EYS: variants seen among roughly 807,000 people sequenced by gnomAD.
EYS encodes the protein EGF-like photoreceptor maintenance factor, also known as protein eyes shut homolog.
EYS carries 250 observed loss-of-function variants against 282.1 expected under a neutral mutation model. That is an observed-to-expected ratio of 0.89 (90% CI 0.80 to 0.98). The LOEUF is 0.98. Ranked by LOEUF, EYS falls within the 50% of genes least tolerant of loss-of-function variation. EYS has a pLI of 0.00. For synonymous variants in EYS, 1,355 were observed against 1,282.9 expected, an observed-to-expected ratio of 1.06 and a Z score of -1.20; for missense variants, 4,016 against 3,709.0, an observed-to-expected ratio of 1.08 and a Z score of -2.15.
At chr6:65,559,790 CA>C (rs1768965200) in intron 2 of EYS, among the ~76,000 whole-genome samples, 1 of 151,722 alleles carries the variant, frequency 6.6e-6, no homozygotes, top group South Asian at 2.1e-4. Context: ...TAAAGTTGTC[CA>C]ATTTTTGAAT....
chr6:65,652,814 AT>A (rs1420459878), intron 1 of EYS, among the ~76,000 whole-genome samples: 1 of 152,008 alleles, frequency 6.6e-6, no homozygotes, highest in Non-Finnish European at 1.5e-5. Flanking sequence ...AGTTTAATGA[AT>A]CATGAGATTG....
chr6:63,874,034 A>G (rs1772892507), intron 35 of EYS, among the ~76,000 whole-genome samples: 1 of 152,048 alleles, frequency 6.6e-6, no homozygotes, highest in Non-Finnish European at 1.5e-5. Context: ...TTATGTTGCC[A>G]TTGCTTTTGA....
At chr6:64,660,134 A>C (rs1717498042) in intron 22 of EYS, among the ~76,000 whole-genome samples, 1 of 152,192 alleles carries the variant, frequency 6.6e-6, no homozygotes, top group African/African-American at 2.4e-5. Context: ...AACGACAAAA[A>C]CCACATGATT....
At chr6:65,288,817 T>C (rs1265945674) in intron 12 of EYS, among the ~76,000 whole-genome samples, 1 of 151,182 alleles carries the variant, frequency 6.6e-6, no homozygotes, top group Non-Finnish European at 1.5e-5. Context: ...TGTGGTTAAA[T>C]ATTTATGACT....
intron 31 of EYS, among the ~76,000 whole-genome samples, chr6:64,093,740 C>A (rs150577183): frequency 0.012 from 1,804 of 152,194 alleles, 33 homozygotes; most frequent in African/African-American, 0.041. Context: ...GTTGAATACC[C>A]TTTATTTCCT....
At chr6:65,444,441 T>A (rs1425359704) in intron 5 of EYS, among the ~76,000 whole-genome samples, 5 of 151,984 alleles carry the variant, frequency 3.3e-5, no homozygotes, top group Non-Finnish European at 5.9e-5. Context: ...AAGTGGTGCT[T>A]ACTTTGCCAC....
chr6:63,840,016 G>C (rs1771910979), intron 36 of EYS, among the ~76,000 whole-genome samples: 1 of 149,266 alleles, frequency 6.7e-6, no homozygotes, highest in Non-Finnish European at 1.5e-5. Flanking sequence ...ATCTTCTTTT[G>C]AGAGATGTCT....
At chr6:63,974,824 C>T (rs1338602756) in intron 35 of EYS, among the ~76,000 whole-genome samples, 2 of 151,936 alleles carry the variant, frequency 1.3e-5, no homozygotes, top group Admixed American at 1.3e-4. Flanking sequence ...TCAATAAATG[C>T]TTTCTGCCCT....
intron 39 of EYS, among the ~76,000 whole-genome samples, chr6:63,780,475 G>T (rs1324549443): frequency 6.6e-5 from 10 of 152,160 alleles, no homozygotes; most frequent in African/African-American, 2.2e-4. Context: ...TTGTGGTTTT[G>T]ATTTGCATTT....
chr6:64,342,102 A>G (rs1771139689), intron 29 of EYS, among the ~76,000 whole-genome samples: 1 of 151,666 alleles, frequency 6.6e-6, no homozygotes. Flanking sequence ...AATATTGTAT[A>G]TAGTATAATT....
chr6:63,932,262 T>C (rs958387019), intron 35 of EYS, among the ~76,000 whole-genome samples: 5 of 152,230 alleles, frequency 3.3e-5, no homozygotes, highest in Admixed American at 6.5e-5. Context: ...ATTTTTTATC[T>C]TTGCTATTGT....
chr6:65,696,152 T>G (rs1311225758), intron 1 of EYS, among the ~76,000 whole-genome samples: 3 of 152,014 alleles, frequency 2.0e-5, no homozygotes, highest in Non-Finnish European at 4.4e-5. Context: ...AAGATTCTGT[T>G]GTATTCTTCA....
chr6:63,776,207 A>C (rs1248354659), intron 40 of EYS, among the ~76,000 whole-genome samples: 3 of 152,186 alleles, frequency 2.0e-5, no homozygotes, highest in African/African-American at 7.2e-5. Context: ...GAGAAAATAC[A>C]ATGTGCCAAC....
At chr6:64,983,245 A>C (rs1770740697) in intron 14 of EYS, among the ~76,000 whole-genome samples, 1 of 151,224 alleles carries the variant, frequency 6.6e-6, no homozygotes. Flanking sequence ...AGACAGAATA[A>C]TGTACAATAT....
chr6:63,757,767 G>C (rs1582177551), intron 41 of EYS, among the ~76,000 whole-genome samples: 1 of 152,274 alleles, frequency 6.6e-6, no homozygotes, highest in East Asian at 1.9e-4. Flanking sequence ...GGGTTCCCCT[G>C]ATAAGGGAGG....
chr6:64,331,295 C>T (rs1026935282), intron 29 of EYS, among the ~76,000 whole-genome samples: 4 of 152,114 alleles, frequency 2.6e-5, no homozygotes, highest in Admixed American at 6.6e-5. Context: ...GGAAATAGAG[C>T]AGCTCTTAGA....
intron 22 of EYS, among the ~76,000 whole-genome samples, chr6:64,769,797 A>T (rs1773468759): frequency 6.6e-6 from 1 of 152,016 alleles, no homozygotes; most frequent in South Asian, 2.1e-4. Flanking sequence ...GTCAAGCTAA[A>T]GGACCAGCAT....
Position 65,543,477 on chromosome 6 carries a change from G to T in EYS, c.-332-47484C>A, listed in dbSNP as rs1298619632. 1.4e-5 allele frequency among the ~76,000 whole-genome samples: 2 copies of T among 148,006 alleles called. 1 individual carries two copies. ...CTATTTATATATTAATTATGTGTGT[G>T]TATATATCTATATATATATAAAATT... On this transcript the variant is annotated intron_variant, in intron 2 of 42. Transcript: ENST00000503581.
chr6:65,487,376 A>T (rs879091073), intron 5 of EYS, among the ~76,000 whole-genome samples: 1 of 152,194 alleles, frequency 6.6e-6, no homozygotes, highest in African/African-American at 2.4e-5. Flanking sequence ...GAGAGTTTTT[A>T]GCATGAAAGG....
Sources: gnomAD v4.1 joint callset for allele counts (sites outside exome capture counted in the v4.1 genomes callset) on GRCh38, gnomAD v4.1.1 for gene constraint, MANE v1.5 for transcripts, NCBI Gene and HGNC (gene_info 2026-07-23, HGNC 2026-07-21) for gene names.